The following ZBTB20 variants were observed in gnomAD, a reference collection of about 807,000 sequenced individuals.
ZBTB20 encodes zinc finger and BTB domain-containing protein 20.
A neutral mutation model predicts 56.9 loss-of-function variants in ZBTB20; 9 were observed. The observed-to-expected ratio is 0.16, with a 90% CI of 0.10 to 0.28. ZBTB20 has a LOEUF of 0.28. ZBTB20 is among the 10% of genes least tolerant of loss of function. The pLI, the probability that ZBTB20 is intolerant of heterozygous loss-of-function variation, is 1.00. For synonymous variants in ZBTB20, 417 were observed against 420.7 expected (o/e 0.99, Z 0.11); for missense variants, 655 against 1,003.0 (o/e 0.65, Z 4.69).
At chr3:114,717,910 C>T (rs1258730664) in intron 5 of ZBTB20, among the ~76,000 whole-genome samples, 1 of 152,106 alleles carries the variant, frequency 6.6e-6, no homozygotes, top group Non-Finnish European at 1.5e-5. Flanking sequence ...CTCTTTTCAA[C>T]TTTCTCTACT....
intron 3 of ZBTB20, among the ~76,000 whole-genome samples, chr3:114,959,913 G>C (rs973644455): frequency 1.3e-5 from 2 of 152,120 alleles, no homozygotes; most frequent in African/African-American, 2.4e-5. Flanking sequence ...ACTGTGCTCA[G>C]AAAAACTAAC....
At position 114,473,180 on chromosome 3, in the gene ZBTB20, GTCCCAGACT is replaced by G. The variant is rs2040342621; in HGVS notation, c.-255+27163_-255+27171del. Among the ~76,000 whole-genome samples the G allele has an allele frequency of 2.0e-5, 3 of 152,200 alleles. No individual in the cohort carries two copies. The South Asian group carries it at 6.2e-4, about 32-fold the overall frequency. The stretch of plus-strand genomic sequence containing the variant: ...GAACAGCACGCTTTATGTGTGCTAT[GTCCCAGACT>G]TCCTGGCTTTCTTCCCTTCCGTCCT... On this transcript the variant is annotated intron_variant, in intron 7 of 11. Coordinates refer to ENST00000675478, the MANE Select transcript of ZBTB20 (RefSeq NM_001348800.3).
chr3:114,638,575 C>T (rs1256104460), intron 6 of ZBTB20, among the ~76,000 whole-genome samples: 1 of 152,060 alleles, frequency 6.6e-6, no homozygotes, highest in Non-Finnish European at 1.5e-5. Flanking sequence ...TGGTCACATT[C>T]TTGGCACTTC....
intron 7 of ZBTB20, among the ~76,000 whole-genome samples, chr3:114,416,020 C>T (rs2088510621): frequency 6.6e-6 from 1 of 152,052 alleles, no homozygotes; most frequent in Non-Finnish European, 1.5e-5. Context: ...CTTCACTTTT[C>T]ACATGGAAAA....
intron 2 of ZBTB20, among the ~76,000 whole-genome samples, chr3:115,049,638 G>A (rs981993530): frequency 1.3e-5 from 2 of 152,058 alleles, no homozygotes. Context: ...AAAAGTTTTG[G>A]ACTTTGGAAT....
chr3:115,083,543 A>G (rs1202919349), intron 1 of ZBTB20, among the ~76,000 whole-genome samples: 1 of 152,090 alleles, frequency 6.6e-6, no homozygotes, highest in Non-Finnish European at 1.5e-5. Flanking sequence ...TAAGAGTATT[A>G]TACTTTTTAT....
intron 7 of ZBTB20, among the ~76,000 whole-genome samples, chr3:114,401,680 G>A (rs1001132855): frequency 1.7e-4 from 26 of 151,972 alleles, no homozygotes; most frequent in African/African-American, 6.3e-4. Context: ...TACACTCTCT[G>A]GCTTGTAATA....
intron 7 of ZBTB20, chr3:114,454,511 T>TAAAAAA (rs754894169): frequency 7.9e-6 from 1 of 126,978 alleles, no homozygotes; most frequent in Non-Finnish European, 1.7e-5. Flanking sequence ...CTCGGTCTCC[T>TAAAAAA]AAAAAAAAAA....
intron 10 of ZBTB20, 86 bp downstream of exon 10, chr3:114,380,131 G>A (rs368614864): frequency 1.4e-5 from 19 of 1,335,098 alleles, no homozygotes; most frequent in East Asian, 2.6e-5. Context: ...CAAAGAGCTC[G>A]CTCTGAAAGT....
At chr3:115,021,643 T>C (rs1028000535) in intron 2 of ZBTB20, among the ~76,000 whole-genome samples, 10 of 150,912 alleles carry the variant, frequency 6.6e-5, no homozygotes, top group Admixed American at 4.6e-4. Flanking sequence ...TGTTATGCTA[T>C]ATAAACTGAG....
intron 3 of ZBTB20, among the ~76,000 whole-genome samples, chr3:114,909,229 C>T (rs1001415376): frequency 6.6e-6 from 1 of 151,214 alleles, no homozygotes; most frequent in Admixed American, 6.6e-5. Context: ...GTAGACCTGG[C>T]TAATGTGTGC....
At chr3:115,044,023 A>T (rs2081248820) in intron 2 of ZBTB20, among the ~76,000 whole-genome samples, 1 of 152,126 alleles carries the variant, frequency 6.6e-6, no homozygotes, top group Non-Finnish European at 1.5e-5. Flanking sequence ...TTGCCATGTG[A>T]AGTACCTGCT....
chr3:114,521,576 G>A (rs2046641491), intron 6 of ZBTB20, among the ~76,000 whole-genome samples: 2 of 151,930 alleles, frequency 1.3e-5, no homozygotes, highest in African/African-American at 4.8e-5. Context: ...TTAGCTCAGA[G>A]CATCATTATC....
At chr3:114,928,832 T>C (rs2076252638) in intron 3 of ZBTB20, among the ~76,000 whole-genome samples, 1 of 152,244 alleles carries the variant, frequency 6.6e-6, no homozygotes. Flanking sequence ...TTTAGATCTA[T>C]CTTCTTATAA....
chr3:115,104,208 G>A (rs2083659291), intron 1 of ZBTB20, among the ~76,000 whole-genome samples: 1 of 152,174 alleles, frequency 6.6e-6, no homozygotes, highest in Non-Finnish European at 1.5e-5. Context: ...ACCAAATGAT[G>A]ATGCGGATGT....
At chr3:114,799,751 C>T (rs1337909228) in intron 5 of ZBTB20, among the ~76,000 whole-genome samples, 2 of 151,888 alleles carry the variant, frequency 1.3e-5, no homozygotes, top group Non-Finnish European at 2.9e-5. Flanking sequence ...AGGCACCATG[C>T]TCAGTGGGCA....
intron 6 of ZBTB20, among the ~76,000 whole-genome samples, chr3:114,684,045 C>G (rs1218496899): frequency 1.3e-5 from 2 of 152,142 alleles, no homozygotes; most frequent in Non-Finnish European, 2.9e-5. Flanking sequence ...GTTGTCTCCT[C>G]TGACTCCTGC....
chr3:115,009,232 C>A (rs904147082), intron 2 of ZBTB20, among the ~76,000 whole-genome samples: 6 of 151,692 alleles, frequency 4.0e-5, no homozygotes, highest in Non-Finnish European at 7.4e-5. Context: ...TTTGAATGTA[C>A]AATCACTATA....
chr3:114,789,694 A>G (rs2070798114), intron 5 of ZBTB20, among the ~76,000 whole-genome samples: 1 of 152,180 alleles, frequency 6.6e-6, no homozygotes, highest in African/African-American at 2.4e-5. Context: ...TTTTAGAGTT[A>G]AGAGTAGAAG....
Sources: allele counts gnomAD v4.1 joint callset (sites outside exome capture counted in the v4.1 genomes callset), GRCh38; gene constraint gnomAD v4.1.1; transcripts MANE v1.5; gene names NCBI Gene and HGNC (gene_info 2026-07-23, HGNC 2026-07-21).